The following KIFAP3 variants were observed in gnomAD, a reference collection of about 807,000 sequenced individuals.
The protein encoded by KIFAP3 is kinesin associated protein 3.
KIFAP3 carries 68 observed loss-of-function variants against 106.5 expected under a neutral mutation model. The ratio of observed to expected loss-of-function variants is 0.64; its 90% CI spans 0.53 to 0.78. The LOEUF is 0.78. Among genes scored for constraint, KIFAP3 ranks in the 30% least tolerant of loss-of-function variants. KIFAP3 has a pLI of 0.00. For missense variants in KIFAP3, 780 were observed against 941.8 expected (o/e 0.83, Z 2.25); for synonymous variants, 320 against 311.5 (o/e 1.03, Z -0.29).
At chr1:169,942,699 A>G (rs3790399) in intron 19 of KIFAP3, among the ~76,000 whole-genome samples, 3,909 of 152,320 alleles carry the variant, frequency 0.026, 97 homozygotes, top group South Asian at 0.092. Context: ...CAGTACAGAA[A>G]GATCAAAGCC....
At chr1:170,011,981 C>T (rs1668264175) in intron 10 of KIFAP3, among the ~76,000 whole-genome samples, 2 of 152,044 alleles carry the variant, frequency 1.3e-5, no homozygotes, top group Non-Finnish European at 2.9e-5. Context: ...TAAGCAAAAT[C>T]AGTTTCTTCA....
intron 2 of KIFAP3, among the ~76,000 whole-genome samples, chr1:170,049,211 T>C (rs1571731555): frequency 6.6e-6 from 1 of 151,596 alleles, no homozygotes; most frequent in South Asian, 2.1e-4. Flanking sequence ...GACTGGGAGG[T>C]TTGGACTGGG....
chr1:170,045,580 G>C (rs1375655159), intron 3 of KIFAP3, among the ~76,000 whole-genome samples: 2 of 152,074 alleles, frequency 1.3e-5, no homozygotes, highest in African/African-American at 2.4e-5. Context: ...TGGAATACTA[G>C]AGATAAAAAT....
At chr1:169,942,240 T>A (rs946539841) in intron 19 of KIFAP3, among the ~76,000 whole-genome samples, 1 of 151,996 alleles carries the variant, frequency 6.6e-6, no homozygotes, top group African/African-American at 2.4e-5. Flanking sequence ...ACTAAAGAAA[T>A]AACAAACCAT....
chr1:169,934,241 A>G (rs1441275283), intron 19 of KIFAP3, among the ~76,000 whole-genome samples: 1 of 152,134 alleles, frequency 6.6e-6, no homozygotes, highest in African/African-American at 2.4e-5. Context: ...ACATAAACAT[A>G]CTAATTGTTG....
In KIFAP3 at chr1:170,024,562, A is replaced by G. The variant is rs771746582; in HGVS notation, c.876T>C (p.Asp292=). 80 of 1,590,960 alleles carry G rather than the reference A, an allele frequency of 5.0e-5. No homozygotes were observed. The highest frequency in any genetic ancestry group is 1.7e-4 in the Middle Eastern group (1 of 6,016). The change falls in exon 9 of 20, where the codon GAT becomes GAC. Residue 292 remains aspartate, a synonymous_variant. Transcript: ENST00000361580. ...ALYLLLNLAE[D]TRTELKMRNK... is the part of the protein sequence containing the mutation. The stretch of plus-strand genomic sequence containing the variant: ...TCCTCATTTTCAGTTCGGTACGAGT[A>G]TCCTCAGCAAGATTCAGAAGCAAAT...
chr1:170,032,759 C>G (rs751130513), intron 7 of KIFAP3, among the ~76,000 whole-genome samples: 3 of 151,666 alleles, frequency 2.0e-5, no homozygotes, highest in Non-Finnish European at 4.4e-5. Context: ...CTTCAATTAC[C>G]ATAATCTGTT....
intron 19 of KIFAP3, among the ~76,000 whole-genome samples, chr1:169,924,389 G>A (rs1404975330): frequency 1.3e-5 from 2 of 151,908 alleles, no homozygotes; most frequent in Non-Finnish European, 2.9e-5. Flanking sequence ...ATATCGTTTT[G>A]GAAAAAAGGA....
At chr1:169,941,740 A>G (rs563320934) in intron 19 of KIFAP3, among the ~76,000 whole-genome samples, 9 of 152,316 alleles carry the variant, frequency 5.9e-5, no homozygotes, top group African/African-American at 1.7e-4. Context: ...GCTAACTTCC[A>G]GTTGCCAACC....
chr1:169,983,382 C>T lies in KIFAP3; in HGVS notation c.1394G>A (p.Gly465Glu). 6.3e-7 allele frequency: 1 copy of T among 1,592,458 alleles called. No individual in the cohort carries two copies. Among genetic ancestry groups the T allele is most frequent in the Non-Finnish European group, 8.6e-7 (1 of 1,166,390 alleles). Residue 465 changes from glycine (G) to glutamate (E), a missense_variant and splice_region_variant, in exon 13 of 20, where the codon GGA becomes GAA. By Grantham distance (98) the Gly-to-Glu change is moderately conservative. This residue lies in a region of KIFAP3 where 588 missense variants were observed against 678.9 expected (regional missense o/e 0.87). Coordinates refer to ENST00000361580, the MANE Select transcript of KIFAP3 (RefSeq NM_014970.4). ...CTTCATGAGCATCTTCAGCCCATTT[C>T]CTGAAACAGAAAAGTCCCCCAATAA... ...NKRNVQLICE[G>E]NGLKMLMKRA...
intron 11 of KIFAP3, among the ~76,000 whole-genome samples, chr1:169,987,970 CA>C (rs1666916866): frequency 6.6e-6 from 1 of 151,880 alleles, no homozygotes; most frequent in South Asian, 2.1e-4. Context: ...CTACCTGAAA[CA>C]ATCTACCCAC....
Position 170,083,296 on chromosome 1 carries a change from A to G in KIFAP3, n.174+1739T>C, listed in dbSNP as rs76746360. Reference sequence around the variant, plus strand: ...TCTCAGAAGCCATCATCAGTTAGTAATTTTTTGTGTGCTAATTTTTCATTT... The same window carrying G: ...TCTCAGAAGCCATCATCAGTTAGTAGTTTTTTGTGTGCTAATTTTTCATTT... On this transcript the variant is annotated intron_variant and non_coding_transcript_variant, in intron 1 of 5. Transcript: ENST00000490550. 5.6e-3 allele frequency among the ~76,000 whole-genome samples: 851 copies of G among 152,304 alleles called. 14 individuals carry two copies. The highest frequency in any genetic ancestry group is 0.056 in the South Asian group (269 of 4,828).
Position 169,948,432 on chromosome 1 carries a change from AAAGT to A in KIFAP3, c.2273+5575_2273+5578del, listed in dbSNP as rs145098186. Among the ~76,000 whole-genome samples, 71 of 152,124 alleles carry A rather than the reference AAAGT, an allele frequency of 4.7e-4. 3 individuals carry two copies. The East Asian group carries it at 0.013, about 29-fold the overall frequency. ...AAACTATGATCATCTTTGGTAAAAA[AAAGT>A]AATAACACACTAAATGAAGCAGTAT... is the stretch of plus-strand genomic sequence containing the variant. On this transcript the variant is annotated intron_variant, in intron 19 of 19. Transcript: ENST00000361580.
chr1:169,927,156 C>T (rs899016008), intron 19 of KIFAP3, among the ~76,000 whole-genome samples: 2 of 152,072 alleles, frequency 1.3e-5, no homozygotes, highest in Non-Finnish European at 2.9e-5. Flanking sequence ...ACTCTATATA[C>T]CATTTGCCCA....
intron 10 of KIFAP3, among the ~76,000 whole-genome samples, chr1:169,998,389 T>C (rs1667480888): frequency 3.7e-5 from 2 of 54,616 alleles, no homozygotes; most frequent in South Asian, 1.1e-3. Context: ...CAGATATATA[T>C]ATATATATAT....
At chr1:170,013,044 G>T (rs1019553644) in intron 10 of KIFAP3, among the ~76,000 whole-genome samples, 1 of 152,052 alleles carries the variant, frequency 6.6e-6, no homozygotes, top group Non-Finnish European at 1.5e-5. Flanking sequence ...CTTTAGAAAA[G>T]ACACCTCAAA....
At chr1:169,925,995 T>C (rs1189448092) in intron 19 of KIFAP3, among the ~76,000 whole-genome samples, 1 of 152,184 alleles carries the variant, frequency 6.6e-6, no homozygotes. Flanking sequence ...ACAAAAAGAA[T>C]AAATGCAGGC....
chr1:169,971,729 CTAAAGT>C (rs908947094), intron 17 of KIFAP3, among the ~76,000 whole-genome samples: 14 of 152,092 alleles, frequency 9.2e-5, no homozygotes, highest in South Asian at 2.1e-4. Context: ...GTTTAAAAAG[CTAAAGT>C]TAAACTTTTA....
At chr1:169,949,171 G>A (rs904624127) in intron 19 of KIFAP3, among the ~76,000 whole-genome samples, 11 of 151,104 alleles carry the variant, frequency 7.3e-5, no homozygotes, top group Non-Finnish European at 1.3e-4. Context: ...AAAATAGAAG[G>A]CATATGTATA....
Sources: allele counts gnomAD v4.1 joint callset (sites outside exome capture counted in the v4.1 genomes callset), GRCh38; gene constraint gnomAD v4.1.1; regional missense constraint gnomAD v4.1.1; transcripts MANE v1.5; gene names NCBI Gene and HGNC (gene_info 2026-07-23, HGNC 2026-07-21).